Variants in FAM20C observed in about 807,000 individuals in gnomAD.
FAM20C encodes the protein extracellular serine/threonine protein kinase FAM20C.
FAM20C carries 40 observed loss-of-function variants against 51.5 expected under a neutral mutation model. The ratio of observed to expected loss-of-function variants is 0.78; its 90% CI spans 0.60 to 1.01. The LOEUF (loss-of-function observed/expected upper bound fraction) is 1.01, where lower values mean the gene tolerates loss of function less well. FAM20C is among the 50% of genes least tolerant of loss of function. The pLI is 0.00. For synonymous variants in FAM20C, 406 were observed against 380.6 expected (o/e 1.07, Z -0.78); for missense variants, 861 against 844.7 (o/e 1.02, Z -0.24).
At chr7:233,587 C>T (rs1051146742) in intron 3 of FAM20C, among the ~76,000 whole-genome samples, 4 of 152,178 alleles carry the variant, frequency 2.6e-5, no homozygotes, top group East Asian at 1.9e-4. Flanking sequence ...CTCCTGGAGG[C>T]GCCTGCGTTG....
intron 3 of FAM20C, among the ~76,000 whole-genome samples, chr7:240,466 A>C (rs919855298): frequency 6.6e-6 from 1 of 151,852 alleles, no homozygotes; most frequent in Admixed American, 6.6e-5. Context: ...GGAGGTGATG[A>C]CCATGGTGGT....
intron 3 of FAM20C, among the ~76,000 whole-genome samples, chr7:210,541 C>G (rs1351409126): frequency 1.3e-5 from 2 of 152,134 alleles, no homozygotes; most frequent in African/African-American, 4.8e-5. Flanking sequence ...GTCTTCATCT[C>G]CCTTGAGCTG....
chr7:194,357 C>T (rs1006131809), intron 1 of FAM20C, among the ~76,000 whole-genome samples: 3 of 152,046 alleles, frequency 2.0e-5, no homozygotes, highest in African/African-American at 4.8e-5. Flanking sequence ...CGATAAAGGG[C>T]GAGAAGCCAC....
chr7:256,095 G>C, intron 6 of FAM20C, 66 bp downstream of exon 6: 1 of 1,507,766 alleles, frequency 6.6e-7, no homozygotes, highest in Non-Finnish European at 8.8e-7. Context: ...GCCTGGGCGG[G>C]CATGGGAGGG....
At chr7:241,556 TTGTGTGTGTGTG>T (rs1221493976) in intron 3 of FAM20C, among the ~76,000 whole-genome samples, 2 of 148,952 alleles carry the variant, frequency 1.3e-5, no homozygotes, top group South Asian at 4.3e-4. Flanking sequence ...TCTGTGGGGG[TTGTGTGTGTGTG>T]TGTGTGTGTG....
chr7:200,380 C>G (rs1786074052), intron 2 of FAM20C, among the ~76,000 whole-genome samples: 1 of 152,258 alleles, frequency 6.6e-6, no homozygotes. Context: ...ACAATGACCA[C>G]CTGCAAAGGA....
chr7:228,207 C>T (rs1787519477), intron 3 of FAM20C: 1 of 330,360 alleles, frequency 3.0e-6, no homozygotes. Flanking sequence ...GGCCCGTGGC[C>T]AATCAGAGAA....
At chr7:211,169 G>A (rs915923137) in intron 3 of FAM20C, among the ~76,000 whole-genome samples, 14 of 49,026 alleles carry the variant, frequency 2.9e-4, no homozygotes, top group Non-Finnish European at 5.6e-4. Context: ...CCCAGCCTCC[G>A]CCAACCTCCC....
Position 241,590 on chromosome 7 carries a change from G to T in FAM20C, c.864-4825G>T, listed in dbSNP as rs1199735819. 3.3e-5 allele frequency among the ~76,000 whole-genome samples: 5 copies of T among 150,660 alleles called. No homozygotes were observed. The East Asian group carries it at 9.7e-4, about 29-fold the overall frequency. Reference sequence around the variant, plus strand: ...TGTGTGTGTGTGTGTGCACTCCTGCGAGTGTGCATATATGTCCATGCACAC... The same window carrying T: ...TGTGTGTGTGTGTGTGCACTCCTGCTAGTGTGCATATATGTCCATGCACAC... On this transcript the variant is annotated intron_variant, in intron 3 of 9. Coordinates refer to ENST00000313766, the MANE Select transcript of FAM20C (RefSeq NM_020223.4).
At chr7:205,681 C>T (rs1257576928) in intron 2 of FAM20C, among the ~76,000 whole-genome samples, 2 of 152,158 alleles carry the variant, frequency 1.3e-5, no homozygotes, top group Non-Finnish European at 2.9e-5. Context: ...GGATCCATCT[C>T]CCTCCTGCCT....
chr7:250,146 C>T (rs1222396971), intron 5 of FAM20C, among the ~76,000 whole-genome samples: 1 of 152,202 alleles, frequency 6.6e-6, no homozygotes, highest in African/African-American at 2.4e-5. Context: ...TTTGCTGGCA[C>T]ATAAAACCTT....
chr7:223,473 G>C (rs1787329896), intron 3 of FAM20C, among the ~76,000 whole-genome samples: 1 of 152,226 alleles, frequency 6.6e-6, no homozygotes, highest in Non-Finnish European at 1.5e-5. Context: ...TGGTGGCTGT[G>C]GGCCTCGCAG....
intron 3 of FAM20C, among the ~76,000 whole-genome samples, chr7:232,369 G>A (rs1787727504): frequency 6.6e-6 from 1 of 152,210 alleles, no homozygotes; most frequent in Non-Finnish European, 1.5e-5. Flanking sequence ...ACATCCCGTG[G>A]CTCCACAGAG....
At chr7:219,395 G>GCCAGCCCAGGACAGCAACGC (rs1787147122) in intron 3 of FAM20C, among the ~76,000 whole-genome samples, 5 of 140,570 alleles carry the variant, frequency 3.6e-5, no homozygotes, top group African/African-American at 5.5e-5. Flanking sequence ...GACAGCAATG[G>GCCAGCCCAGGACAGCAACGC]CCAGCCCAGG....
chr7:240,345 T>A (rs1275733593), intron 3 of FAM20C, among the ~76,000 whole-genome samples: 83 of 600 alleles, frequency 0.14, 3 homozygotes, highest in South Asian at 0.29. Flanking sequence ...GATTATGATG[T>A]TGATAAAGGA....
chr7:253,260 C>T (rs893780889), intron 5 of FAM20C, among the ~76,000 whole-genome samples: 10 of 152,206 alleles, frequency 6.6e-5, no homozygotes, highest in Non-Finnish European at 1.5e-4. Flanking sequence ...AGATGGCAGA[C>T]GTCCGCCTTG....
chr7:247,134 G>A (rs533780494), intron 4 of FAM20C, among the ~76,000 whole-genome samples: 451 of 152,342 alleles, frequency 3.0e-3, no homozygotes, highest in Non-Finnish European at 4.8e-3. Context: ...AGGGGGAAGC[G>A]ATGTTTGTGA....
chr7:248,301 C>A lies in FAM20C; in HGVS notation c.957-14C>A. ...GCACAGAGCACAGACCATTCCCCGC[C>A]CGTTTCTTGCCAGGATCCTGGACTT... On this transcript the variant is annotated splice_polypyrimidine_tract_variant and intron_variant, in intron 4 of 9. Coordinates refer to ENST00000313766, the MANE Select transcript of FAM20C (RefSeq NM_020223.4). The A allele has an allele frequency of 6.5e-7, 1 of 1,531,070 alleles. No homozygotes were observed. The highest frequency in any genetic ancestry group is 1.4e-5 in the African/African-American group (1 of 73,106). 94.8% of individuals were successfully genotyped at this position (1,531,070 alleles called of 1,614,324 possible). A position where few individuals can be genotyped will look rare whatever the true frequency, so the allele number is the denominator to read the frequency against.
intron 3 of FAM20C, among the ~76,000 whole-genome samples, chr7:244,993 G>A (rs1394778341): frequency 5.3e-5 from 8 of 152,246 alleles, no homozygotes; most frequent in Non-Finnish European, 2.9e-5. Context: ...GTAATTGACG[G>A]CCTGTGACCC....
Sources: gnomAD v4.1 joint callset for allele counts (sites outside exome capture counted in the v4.1 genomes callset) on GRCh38, gnomAD v4.1.1 for gene constraint, MANE v1.5 for transcripts, NCBI Gene and HGNC (gene_info 2026-07-23, HGNC 2026-07-21) for gene names.